Variants in MANBA observed in about 807,000 individuals in gnomAD.
The protein encoded by MANBA is beta-mannosidase.
MANBA carries 83 observed loss-of-function variants against 111.1 expected under a neutral mutation model. That is an observed-to-expected ratio of 0.75 (90% CI 0.63 to 0.90). The LOEUF (loss-of-function observed/expected upper bound fraction) is 0.90, where lower values mean the gene tolerates loss of function less well. Ranked by LOEUF, MANBA falls within the 40% of genes least tolerant of loss-of-function variation. The pLI, the probability that MANBA is intolerant of heterozygous loss-of-function variation, is 0.00. For missense variants in MANBA, 1,036 were observed against 1,069.0 expected (o/e 0.97, Z 0.43); for synonymous variants, 370 against 378.7 (o/e 0.98, Z 0.27).
chr4:102,756,480 G>C (rs1724022407), intron 1 of MANBA, among the ~76,000 whole-genome samples: 1 of 152,110 alleles, frequency 6.6e-6, no homozygotes, highest in Admixed American at 6.6e-5. Flanking sequence ...TCATGAGGTT[G>C]GGGGCTGGGG....
Position 102,690,626 on chromosome 4 carries a change from C to T in MANBA, c.819G>A (p.Arg273=), listed in dbSNP as rs1732430715. ...TYSIELQPGK[R]IVELFVNISK... Reference sequence around the variant, plus strand: ...TAATGTTCACAAATAGCTCAACAATCCTTTTCCCAGGTTGAAGTTCAATGC... The same window carrying T: ...TAATGTTCACAAATAGCTCAACAATTCTTTTCCCAGGTTGAAGTTCAATGC... Residue 273 remains arginine (R), a synonymous_variant, in exon 6 of 17, where the codon AGG becomes AGA. Coordinates refer to ENST00000647097, the MANE Select transcript of MANBA (RefSeq NM_005908.4). The T allele has an allele frequency of 1.9e-6, 3 of 1,612,224 alleles. No homozygotes were observed. Among genetic ancestry groups the T allele is most frequent in the Non-Finnish European group, 2.5e-6 (3 of 1,178,880 alleles).
At chr4:102,639,910 T>C (rs1432966995) in intron 13 of MANBA, 53 bp from the exon 14 acceptor site, 4 of 1,594,092 alleles carry the variant, frequency 2.5e-6, no homozygotes, top group East Asian at 2.2e-5. Context: ...GTAGACTGCC[T>C]AGATCTGAGA....
At chr4:102,697,494 C>T (rs1035781234) in intron 5 of MANBA, among the ~76,000 whole-genome samples, 5 of 145,054 alleles carry the variant, frequency 3.4e-5, no homozygotes, top group Non-Finnish European at 7.6e-5. Flanking sequence ...TCTCCCAATG[C>T]TATCCCTCCC....
chr4:102,632,694 G>A (rs1290563729), intron 16 of MANBA, among the ~76,000 whole-genome samples: 1 of 152,188 alleles, frequency 6.6e-6, no homozygotes, highest in Non-Finnish European at 1.5e-5. Context: ...CAAGTCTCCT[G>A]AAAAGATCCA....
chr4:102,751,750 C>T (rs1455594637), intron 1 of MANBA: 5 of 536,306 alleles, frequency 9.3e-6, no homozygotes, highest in Non-Finnish European at 1.5e-5. Flanking sequence ...TTGACTGGTT[C>T]TTATGATAAG....
intron 2 of MANBA, among the ~76,000 whole-genome samples, chr4:102,725,284 G>A (rs997788426): frequency 1.3e-5 from 2 of 151,564 alleles, no homozygotes; most frequent in African/African-American, 4.9e-5. Context: ...TTTAAAACTA[G>A]GTAGAAATGA....
intron 1 of MANBA, among the ~76,000 whole-genome samples, chr4:102,744,026 C>T (rs1371944708): frequency 6.6e-6 from 1 of 152,220 alleles, no homozygotes; most frequent in Non-Finnish European, 1.5e-5. Flanking sequence ...TGCACAGCAG[C>T]CTGGACCTGT....
chr4:102,711,261 G>T (rs1722052346), intron 5 of MANBA, among the ~76,000 whole-genome samples: 1 of 151,884 alleles, frequency 6.6e-6, no homozygotes. Flanking sequence ...GAACTCAACT[G>T]AACAGTAAAA....
At position 102,709,383 on chromosome 4, in the gene MANBA, GAAGAAAGAAAGAAAGAAAAAA is replaced by G. The variant is rs1262674378; in HGVS notation, c.673+5034_673+5054del. Among the ~76,000 whole-genome samples, 713 of 123,526 alleles carry G rather than the reference GAAGAAAGAAAGAAAGAAAAAA, an allele frequency of 5.8e-3. 10 individuals are homozygous for G. The highest frequency in any genetic ancestry group is 0.021 in the African/African-American group (680 of 32,958). 81.0% of individuals were successfully genotyped at this position (123,526 alleles called of 152,430 possible). On this transcript the variant is annotated intron_variant, in intron 5 of 16. Transcript: ENST00000647097. ...AGAAAAGAAAAAGAAAGGAAGGAAG[GAAGAAAGAAAGAAAGAAAAAA>G]AAGAAAGAAAGAAAGAGAAAGAGAG...
intron 10 of MANBA, chr4:102,668,755 A>G: frequency 1.8e-6 from 1 of 546,344 alleles, no homozygotes; most frequent in Non-Finnish European, 3.3e-6. Flanking sequence ...AGAAATCAGG[A>G]CTGGGGATAA....
At chr4:102,726,816 C>A in intron 1 of MANBA, 133 bp from the exon 2 acceptor site, 1 of 640,626 alleles carries the variant, frequency 1.6e-6, no homozygotes, top group Admixed American at 2.7e-5. Context: ...CCTAGTAGTA[C>A]AAAGAGGGGA....
intron 2 of MANBA, among the ~76,000 whole-genome samples, chr4:102,726,264 T>C (rs978728382): frequency 4.6e-5 from 7 of 152,102 alleles, no homozygotes; most frequent in African/African-American, 1.4e-4. Flanking sequence ...CTTCACCACA[T>C]AGTATAGGTC....
In MANBA at chr4:102,634,851, CG is replaced by C. The variant is rs1729546703; in HGVS notation, c.2351del (p.Pro784ArgfsTer49). The C allele has an allele frequency of 1.2e-6, 2 of 1,614,160 alleles. No homozygotes were observed. On this transcript the variant is annotated frameshift_variant, in exon 16 of 17. Coordinates refer to ENST00000647097, the MANE Select transcript of MANBA (RefSeq NM_005908.4). LOFTEE classifies it high-confidence loss of function. ...GTGAGGACAAGAAGTGGTAGTTGGT[CG>C]GGCTCAGGAGTTCATGGTCAGCTGA... is the stretch of plus-strand genomic sequence containing the variant. ...YLSADHELLSPTNYHFLSSPK... is the reference protein window; with the variant it reads ...YLSADHELLSXTNYHFLSSPK...
chr4:102,664,581 G>A (rs112899559), intron 11 of MANBA, 104 bp downstream of exon 11: 45 of 978,458 alleles, frequency 4.6e-5, no homozygotes, highest in East Asian at 2.2e-4. Flanking sequence ...CTTGTGATCC[G>A]CCCGCCTCAG....
rs1020906982 is a variant in MANBA, at chr4:102,752,629, T to C, written c.177+8089A>G. ...ACAGATATTCACCTACCACTTTCCA[T>C]GTGGGGGCATGAAAGTGAATGATAA... On this transcript the variant is annotated intron_variant, in intron 1 of 16. Coordinates refer to ENST00000647097, the MANE Select transcript of MANBA (RefSeq NM_005908.4). 121 of 586,334 alleles carry C rather than the reference T, an allele frequency of 2.1e-4. 1 individual carries two copies. The Admixed American group carries it at 2.2e-3, about 11-fold the overall frequency. The allele number at this position is 586,334 out of a possible 1,614,324, so 36.3% of individuals were successfully genotyped here.
chr4:102,744,336 G>A (rs1723514038), intron 1 of MANBA, among the ~76,000 whole-genome samples: 1 of 152,190 alleles, frequency 6.6e-6, no homozygotes, highest in African/African-American at 2.4e-5. Flanking sequence ...AGTCCAGTGT[G>A]TTTGGTACTT....
intron 1 of MANBA, chr4:102,730,186 T>C (rs1578945737): frequency 5.0e-6 from 4 of 805,232 alleles, no homozygotes; most frequent in Non-Finnish European, 7.7e-6. Context: ...GAGGCAGGAG[T>C]GGGGGCAGGA....
chr4:102,637,317 T>G (rs1306991755), intron 14 of MANBA, among the ~76,000 whole-genome samples: 1 of 152,168 alleles, frequency 6.6e-6, no homozygotes, highest in Non-Finnish European at 1.5e-5. Context: ...AGAATCTATC[T>G]CTCTGATCTC....
intron 5 of MANBA, among the ~76,000 whole-genome samples, chr4:102,708,848 G>C (rs1333374799): frequency 6.6e-6 from 1 of 151,458 alleles, no homozygotes. Context: ...CTAATATTTT[G>C]TATATTATTA....
Sources: allele counts gnomAD v4.1 joint callset (sites outside exome capture counted in the v4.1 genomes callset), GRCh38; gene constraint gnomAD v4.1.1; transcripts MANE v1.5; gene names NCBI Gene and HGNC (gene_info 2026-07-23, HGNC 2026-07-21).